The following BTD variants were observed in gnomAD, a reference collection of about 807,000 sequenced individuals.
The protein encoded by BTD is biocytinase.
BTD carries 13 observed loss-of-function variants against 17.7 expected under a neutral mutation model. The observed-to-expected ratio is 0.74, with a 90% CI of 0.48 to 1.17. The LOEUF is 1.17. Ranked by LOEUF, BTD falls within the 50% of genes most tolerant of loss-of-function variation. The pLI is 0.00. For missense variants in BTD, 674 were observed against 650.4 expected, an observed-to-expected ratio of 1.04 and a Z score of -0.39; for synonymous variants, 240 against 245.2, an observed-to-expected ratio of 0.98 and a Z score of 0.20.
rs2064251399 is a variant in BTD at position 15,601,791 on chromosome 3, G to A, written c.-120G>A. ...AGCAGGTAAGAAGCCGAACTCTGAG[G>A]CCTCTCGCCATTGTCTCCGAGTCGG... On this transcript the variant is annotated 5_prime_UTR_variant, in exon 1 of 4. Coordinates refer to ENST00000643237, the MANE Select transcript of BTD (RefSeq NM_001370658.1). The A allele has an allele frequency of 1.2e-6, 2 of 1,613,674 alleles. No individual in the cohort carries two copies. Among genetic ancestry groups the A allele is most frequent in the East Asian group, 2.2e-5 (1 of 44,900 alleles).
At chr3:15,618,656 G>T (rs1340106390) in intron 1 of BTD, among the ~76,000 whole-genome samples, 1 of 152,038 alleles carries the variant, frequency 6.6e-6, no homozygotes, top group Non-Finnish European at 1.5e-5. Context: ...CTCCCGAGTA[G>T]CTGGGACTAC....
chr3:15,651,266 T>C lies in BTD; in HGVS notation c.*5778T>C, dbSNP rs2065798438. Among the ~76,000 whole-genome samples, 1 of 152,214 alleles carries C rather than the reference T, an allele frequency of 6.6e-6. No individual in the cohort carries two copies. Among genetic ancestry groups the C allele is most frequent in the African/African-American group, 2.4e-5 (1 of 41,464 alleles). On this transcript the variant is annotated 3_prime_UTR_variant, in exon 4 of 4. Coordinates refer to ENST00000643237, the MANE Select transcript of BTD (RefSeq NM_001370658.1). ...AACAGTAAATGTCCACGAGGCTTTT[T>C]TCCTCTGAGCAGAAATTTCACTGTG...
chr3:15,689,261 A>G (rs1043613981), intron 3 of BTD, among the ~76,000 whole-genome samples: 1 of 152,170 alleles, frequency 6.6e-6, no homozygotes, highest in Admixed American at 6.5e-5. Context: ...GCTGTAGCAC[A>G]ACCTTCAAAA....
chr3:15,620,820 G>A (rs1426150333), intron 1 of BTD, among the ~76,000 whole-genome samples: 1 of 152,224 alleles, frequency 6.6e-6, no homozygotes, highest in African/African-American at 2.4e-5. Context: ...CAGTGCCAAT[G>A]GGATATATAT....
chr3:15,686,071 G>A, intron 3 of BTD: 4 of 1,613,754 alleles, frequency 2.5e-6, no homozygotes, highest in South Asian at 1.1e-5. Context: ...TCAGCAATGA[G>A]TAAACACAGT....
intron 3 of BTD, among the ~76,000 whole-genome samples, chr3:15,675,364 G>A (rs902050608): frequency 1.3e-5 from 2 of 152,202 alleles, no homozygotes; most frequent in Non-Finnish European, 2.9e-5. Context: ...AAAGGGGACA[G>A]AGAAATATGG....
intron 1 of BTD, chr3:15,632,881 A>C (rs1471819223): frequency 6.6e-6 from 1 of 152,218 alleles, no homozygotes; most frequent in African/African-American, 2.4e-5. Context: ...GTGTGATGCC[A>C]AAGAGAGAAA....
intron 3 of BTD, chr3:15,676,795 AAAT>A (rs2066984667): frequency 2.1e-6 from 1 of 470,438 alleles, no homozygotes; most frequent in Non-Finnish European, 3.7e-6. Flanking sequence ...AAAGCATTTT[AAAT>A]AATATGGCTT....
intron 2 of BTD, among the ~76,000 whole-genome samples, chr3:15,637,402 A>G (rs1559594047): frequency 6.6e-6 from 1 of 152,276 alleles, no homozygotes; most frequent in East Asian, 1.9e-4. Context: ...ACCTTTTCAC[A>G]TGAGCAGACA....
At chr3:15,628,641 C>G (rs1343629305) in intron 1 of BTD, among the ~76,000 whole-genome samples, 1 of 152,126 alleles carries the variant, frequency 6.6e-6, no homozygotes, top group African/African-American at 2.4e-5. Context: ...TCCAGAAGAA[C>G]AGAGTAGCTA....
chr3:15,649,727 A>G lies in BTD; in HGVS notation c.*4239A>G, dbSNP rs757695030. Among the ~76,000 whole-genome samples the G allele has an allele frequency of 1.3e-5, 2 of 151,776 alleles. No homozygotes were observed. Among genetic ancestry groups the G allele is most frequent in the Non-Finnish European group, 2.9e-5 (2 of 67,932 alleles). On this transcript the variant is annotated 3_prime_UTR_variant, in exon 4 of 4. Coordinates refer to ENST00000643237, the MANE Select transcript of BTD (RefSeq NM_001370658.1). ...AACACTCATCCATCCTTCAAGGTCT[A>G]CTCTCTCATCACAGCTTGTGACTCT...
At chr3:15,717,827 T>C (rs924293342) in intron 4 of BTD, among the ~76,000 whole-genome samples, 2 of 152,212 alleles carry the variant, frequency 1.3e-5, no homozygotes, top group Non-Finnish European at 2.9e-5. Flanking sequence ...ATTTTACCTC[T>C]ACCACTTTGC....
chr3:15,644,300 C>T lies in BTD; in HGVS notation c.400-16C>T, dbSNP rs368774979. On this transcript the variant is annotated splice_polypyrimidine_tract_variant and intron_variant, in intron 3 of 3. Transcript: ENST00000643237. ...CAGGCAAAAACCTCATTTATTTACA[C>T]CTTTTTTTCCTCTAGGTGCTCCAGC... The T allele has an allele frequency of 1.4e-4, 231 of 1,610,372 alleles. No homozygotes were observed. Among genetic ancestry groups the T allele is most frequent in the Non-Finnish European group, 1.9e-4 (218 of 1,178,074 alleles).
chr3:15,619,997 A>G (rs1296423000), intron 1 of BTD, among the ~76,000 whole-genome samples: 4 of 152,210 alleles, frequency 2.6e-5, no homozygotes, highest in Non-Finnish European at 5.9e-5. Context: ...TAAGGGTCTA[A>G]CAAAGATCAC....
intron 3 of BTD, among the ~76,000 whole-genome samples, chr3:15,678,943 G>A (rs1181862706): frequency 1.3e-5 from 2 of 152,166 alleles, no homozygotes; most frequent in African/African-American, 4.8e-5. Context: ...CCAGCCAGTA[G>A]TTAAAATTTA....
intron 3 of BTD, chr3:15,683,994 G>A (rs1301510123): frequency 6.6e-6 from 1 of 152,156 alleles, no homozygotes; most frequent in East Asian, 1.9e-4. Context: ...TTGAGGGAAG[G>A]TTATTAGAAT....
chr3:15,713,634 T>A, downstream of BTD: 1 of 1,603,222 alleles, frequency 6.2e-7, no homozygotes, highest in Non-Finnish European at 8.5e-7. Context: ...CACAGTCGAT[T>A]ACAGCTCCTG....
chr3:15,692,327 T>C (rs1324139776), intron 3 of BTD, among the ~76,000 whole-genome samples: 2 of 152,036 alleles, frequency 1.3e-5, no homozygotes, highest in Non-Finnish European at 2.9e-5. Context: ...TGTGCACCTA[T>C]AGTCCTAGCT....
chr3:15,720,727 G>A (rs2073636655), intron 4 of BTD, among the ~76,000 whole-genome samples: 1 of 151,956 alleles, frequency 6.6e-6, no homozygotes, highest in African/African-American at 2.4e-5. Flanking sequence ...ATTGGTTCTA[G>A]AACCTTACAT....
Sources: allele counts gnomAD v4.1 joint callset (sites outside exome capture counted in the v4.1 genomes callset), GRCh38; gene constraint gnomAD v4.1.1; transcripts MANE v1.5; gene names NCBI Gene and HGNC (gene_info 2026-07-23, HGNC 2026-07-21).